PASD1: variants seen among roughly 807,000 people sequenced by gnomAD.
PASD1 encodes the protein PAS domain containing repressor 1.
In PASD1, 13 loss-of-function variants were observed where a neutral mutation model predicts 58.8. That is an observed-to-expected ratio of 0.22 (90% CI 0.14 to 0.35). The LOEUF is 0.35. Among genes scored for constraint, PASD1 ranks in the 10% least tolerant of loss-of-function variants. PASD1 has a pLI of 1.00. For missense variants in PASD1, 734 were observed against 568.3 expected (o/e 1.29, Z -2.96); for synonymous variants, 236 against 216.7 (o/e 1.09, Z -0.78).
At chrX:151,607,914 G>C (rs1377502944) in intron 3 of PASD1, among the ~76,000 whole-genome samples, 3 of 111,646 alleles carry the variant, frequency 2.7e-5, no homozygotes, top group African/African-American at 9.8e-5. Context: ...GGTGGGATGG[G>C]GTATGAATCT....
rs73638092 is a variant in PASD1, at chrX:151,611,623, T to C, written c.118-41T>C. 3,541 of 946,578 alleles carry C rather than the reference T, an allele frequency of 3.7e-3. 66 individuals are homozygous for C. The African/African-American group carries it at 0.058, about 16-fold the overall frequency. 78.0% of individuals were successfully genotyped at this position (946,578 alleles called of 1,213,427 possible). On this transcript the variant is annotated intron_variant, in intron 3 of 15. Transcript: ENST00000370357. ...AGCAATAAAACTATCATTTTATTAT[T>C]GTTCCACTATTTAATTACATTATTA...
rs4363324 is a variant in PASD1, at chrX:151,632,474, C to T, written c.629+6944C>T. On this transcript the variant is annotated intron_variant, in intron 8 of 15. Coordinates refer to ENST00000370357, the MANE Select transcript of PASD1 (RefSeq NM_173493.3). ...AGAGGAACATTCAGAGCATGCAGGGCCTGTGAGCAACTGTGAGGGAAGGAC... is the reference window on the plus strand; with the variant it reads ...AGAGGAACATTCAGAGCATGCAGGGTCTGTGAGCAACTGTGAGGGAAGGAC... 6.3e-5 allele frequency among the ~76,000 whole-genome samples: 7 copies of T among 111,484 alleles called. No homozygotes were observed. The South Asian group carries it at 2.7e-3, about 42-fold the overall frequency.
rs771108024 is a variant in PASD1 at position 151,648,639 on chromosome X, C to T, written c.654C>T (p.His218=). The change falls in exon 9 of 16, where the codon CAC becomes CAT. Residue 218 remains histidine, a synonymous_variant. Transcript: ENST00000370357. ...GTAGCTCTCAAGGTCAAAGAGGACA[C>T]ACTAGCATGAAAGCCGTGTACGTTG... The part of the protein sequence containing the change: ...ELSSSQGQRG[H]TSMKAVYVEP... 8.3e-7 allele frequency: 1 copy of T among 1,211,435 alleles called. No homozygotes were observed. The highest frequency in any genetic ancestry group is 1.1e-6 in the Non-Finnish European group (1 of 895,272).
At chrX:151,583,700 G>A (rs993552372) in intron 1 of PASD1, among the ~76,000 whole-genome samples, 1 of 112,233 alleles carries the variant, frequency 8.9e-6, no homozygotes, top group Admixed American at 9.5e-5. Context: ...CTTATTGACT[G>A]TGAACTTTGT....
At chrX:151,592,435 T>C (rs926111329) in intron 1 of PASD1, among the ~76,000 whole-genome samples, 1 of 112,108 alleles carries the variant, frequency 8.9e-6, no homozygotes, top group African/African-American at 3.2e-5. Context: ...ATAAATGTTA[T>C]TTAAGAACAT....
In PASD1 at chrX:151,601,540, T is replaced by C; in HGVS notation, c.-14T>C. 1 of 1,209,660 alleles carries C rather than the reference T, an allele frequency of 8.3e-7. No homozygotes were observed. Among genetic ancestry groups the C allele is most frequent in the Non-Finnish European group, 1.1e-6 (1 of 893,597 alleles). ...CTTTGATTTCAGGAGTCTTCCTACG[T>C]CACTGAATAATGAATGAAGATGAGA... On this transcript the variant is annotated 5_prime_UTR_variant, in exon 2 of 16. Coordinates refer to ENST00000370357, the MANE Select transcript of PASD1 (RefSeq NM_173493.3).
rs769677472 is a variant in PASD1, at chrX:151,671,167, G to T, written c.1201G>T (p.Ala401Ser). Residue 401 changes from alanine to serine, a missense_variant, in exon 12 of 16, where the codon GCA becomes TCA. Coordinates refer to ENST00000370357, the MANE Select transcript of PASD1 (RefSeq NM_173493.3). The stretch of plus-strand genomic sequence containing the variant: ...TGATGCCATCCAAAACCAGCAGAAT[G>T]CATTGGAATTGATGATGGATCACCT... Reference protein sequence around the residue: ...LHDAIQNQQNALELMMDHLQK... With the variant: ...LHDAIQNQQNSLELMMDHLQK... 2.5e-6 allele frequency: 3 copies of T among 1,210,052 alleles called. No homozygotes were observed. Among genetic ancestry groups the T allele is most frequent in the Non-Finnish European group, 3.4e-6 (3 of 895,216 alleles).
At chrX:151,593,156 C>G (rs2013271802) in intron 1 of PASD1, among the ~76,000 whole-genome samples, 1 of 110,589 alleles carries the variant, frequency 9.0e-6, no homozygotes, top group African/African-American at 3.3e-5. Context: ...AATATAGTCA[C>G]CCAAATCTTT....
intron 1 of PASD1, among the ~76,000 whole-genome samples, chrX:151,583,278 T>G (rs1358507168): frequency 1.8e-5 from 2 of 112,499 alleles, no homozygotes; most frequent in African/African-American, 3.2e-5. Context: ...GCCTGGGATG[T>G]GTAGTAAGTG....
In PASD1 at chrX:151,604,743, G is replaced by A. The variant is rs777485639; in HGVS notation, c.117+9G>A. On this transcript the variant is annotated intron_variant, in intron 3 of 15. Transcript: ENST00000370357. Reference sequence around the variant, plus strand: ...ACCAAGTGACGCTACAGGTAAGAGGGCTTTTGTTCTTTGATTACTTCATAT... The same window carrying A: ...ACCAAGTGACGCTACAGGTAAGAGGACTTTTGTTCTTTGATTACTTCATAT... 2 of 1,163,657 alleles carry A rather than the reference G, an allele frequency of 1.7e-6. No homozygotes were observed. The highest frequency in any genetic ancestry group is 1.8e-5 in the African/African-American group (1 of 56,457).
intron 10 of PASD1, among the ~76,000 whole-genome samples, chrX:151,660,753 C>G (rs1427580804): frequency 8.9e-6 from 1 of 112,721 alleles, no homozygotes; most frequent in Non-Finnish European, 1.9e-5. Context: ...ATTGAAATGG[C>G]TAGCAGCTTA....
At chrX:151,600,314 A>G (rs1287286799) in intron 1 of PASD1, among the ~76,000 whole-genome samples, 2 of 102,864 alleles carry the variant, frequency 1.9e-5, no homozygotes, top group African/African-American at 7.3e-5. Context: ...CGGGAGCGAG[A>G]GAGGGGGAGG....
intron 1 of PASD1, among the ~76,000 whole-genome samples, chrX:151,590,038 A>G (rs953116882): frequency 8.9e-6 from 1 of 112,178 alleles, no homozygotes; most frequent in African/African-American, 3.2e-5. Flanking sequence ...CATTGATTAC[A>G]AAACATGAAA....
At chrX:151,666,432 G>A (rs1307842658) in intron 11 of PASD1, among the ~76,000 whole-genome samples, 1 of 106,992 alleles carries the variant, frequency 9.3e-6, no homozygotes, top group Admixed American at 1.0e-4. Flanking sequence ...TGTGCACAAC[G>A]TGTAGGTTTG....
At chrX:151,672,819 A>G (rs1381509001) in intron 14 of PASD1, 158 bp downstream of exon 14, 2 of 878,701 alleles carry the variant, frequency 2.3e-6, no homozygotes, top group East Asian at 3.4e-5. Flanking sequence ...CTCTGTGGCC[A>G]CGGCCATCAT....
chrX:151,655,365 AC>A (rs1424150790), intron 9 of PASD1, among the ~76,000 whole-genome samples: 7 of 109,943 alleles, frequency 6.4e-5, no homozygotes, highest in African/African-American at 2.3e-4. Context: ...TTGGGTATAT[AC>A]CCAGTAATGG....
intron 9 of PASD1, among the ~76,000 whole-genome samples, chrX:151,652,784 G>A (rs1231282180): frequency 2.7e-5 from 3 of 111,417 alleles, no homozygotes; most frequent in Non-Finnish European, 5.6e-5. Flanking sequence ...GGAGGTGGAA[G>A]CATGCCCAGT....
At chrX:151,589,404 T>C in intron 1 of PASD1, among the ~76,000 whole-genome samples, 1 of 111,684 alleles carries the variant, frequency 9.0e-6, no homozygotes, top group Non-Finnish European at 1.9e-5. Context: ...TGCCAAATTT[T>C]TGCCATCACT....
At position 151,613,161 on chromosome X, in the gene PASD1, T is replaced by C. The variant is rs755167533; in HGVS notation, c.207+1408T>C. Among the ~76,000 whole-genome samples the C allele has an allele frequency of 5.3e-4, 59 of 111,467 alleles. No homozygotes were observed. The East Asian group carries it at 0.016, about 30-fold the overall frequency. On this transcript the variant is annotated intron_variant, in intron 4 of 15. Transcript: ENST00000370357. ...GGCATTATTTCTGAGGGCTCTGTTCTGTTCCATTGGTCTATATCTCTGTTT... is the reference window on the plus strand; with the variant it reads ...GGCATTATTTCTGAGGGCTCTGTTCCGTTCCATTGGTCTATATCTCTGTTT...
Sources: gnomAD v4.1 joint callset for allele counts (sites outside exome capture counted in the v4.1 genomes callset) on GRCh38, gnomAD v4.1.1 for gene constraint, MANE v1.5 for transcripts, NCBI Gene and HGNC (gene_info 2026-07-23, HGNC 2026-07-21) for gene names.